Variants in NRG3 observed in about 807,000 individuals in gnomAD.
NRG3 encodes neuregulin 3, also known as pro-neuregulin-3, membrane-bound isoform.
NRG3 carries 31 observed loss-of-function variants against 66.9 expected under a neutral mutation model. The ratio of observed to expected loss-of-function variants is 0.46; its 90% CI spans 0.35 to 0.63. The LOEUF (loss-of-function observed/expected upper bound fraction) is 0.63. Among genes scored for constraint, NRG3 ranks in the 20% least tolerant of loss-of-function variants. NRG3 has a pLI of 0.00. For missense variants in NRG3, 910 were observed against 878.9 expected, an observed-to-expected ratio of 1.04 and a Z score of -0.45; for synonymous variants, 393 against 359.4, an observed-to-expected ratio of 1.09 and a Z score of -1.06.
At chr10:82,600,053 T>A (rs1409550304) in intron 2 of NRG3, among the ~76,000 whole-genome samples, 1 of 152,156 alleles carries the variant, frequency 6.6e-6, no homozygotes. Context: ...ATTACCATAT[T>A]TCTGTTTACA....
At chr10:82,612,671 T>C (rs1236159339) in intron 2 of NRG3, among the ~76,000 whole-genome samples, 1 of 152,224 alleles carries the variant, frequency 6.6e-6, no homozygotes, top group Non-Finnish European at 1.5e-5. Context: ...ATATTGATTT[T>C]ATTTTTGAAG....
At chr10:82,319,196 G>C (rs946061952) in intron 1 of NRG3, among the ~76,000 whole-genome samples, 2 of 152,198 alleles carry the variant, frequency 1.3e-5, no homozygotes, top group Non-Finnish European at 2.9e-5. Context: ...CACAGAGCTG[G>C]CCCTGCAGAG....
chr10:82,010,600 C>T (rs1391539620), intron 1 of NRG3, among the ~76,000 whole-genome samples: 3 of 152,276 alleles, frequency 2.0e-5, no homozygotes, highest in South Asian at 2.1e-4. Flanking sequence ...AAAAAGTTTT[C>T]CCATAAACAG....
At chr10:82,372,676 C>T (rs12241808) in intron 2 of NRG3, among the ~76,000 whole-genome samples, 2,537 of 152,246 alleles carry the variant, frequency 0.017, 67 homozygotes, top group African/African-American at 0.056. Flanking sequence ...TCACTGCAAC[C>T]TCCACCTCCC....
chr10:82,485,251 A>G (rs1336648891), intron 2 of NRG3, among the ~76,000 whole-genome samples: 2 of 152,076 alleles, frequency 1.3e-5, no homozygotes, highest in Non-Finnish European at 1.5e-5. Flanking sequence ...CCCTGACTGA[A>G]TTCAAAGATG....
In NRG3 at chr10:82,906,926, T is replaced by C. The variant is rs1844787469; in HGVS notation, c.1054+41489T>C. Among the ~76,000 whole-genome samples the C allele has an allele frequency of 2.0e-5, 3 of 152,128 alleles. No individual in the cohort carries two copies. In the South Asian group the frequency reaches 6.2e-4, roughly 32 times the overall value. ...GATGGTGATTATACACATAAGGAAATAAAGAATGGCTGTATTAGGTCTTAA... is the reference window on the plus strand; with the variant it reads ...GATGGTGATTATACACATAAGGAAACAAAGAATGGCTGTATTAGGTCTTAA... On this transcript the variant is annotated intron_variant, in intron 4 of 8. Transcript: ENST00000372141.
At chr10:82,176,668 C>G (rs912200567) in intron 1 of NRG3, among the ~76,000 whole-genome samples, 3 of 152,028 alleles carry the variant, frequency 2.0e-5, no homozygotes, top group Non-Finnish European at 4.4e-5. Flanking sequence ...ACAGGAGAAG[C>G]TGATTTATTT....
At chr10:81,904,420 T>G (rs932640440) in intron 1 of NRG3, among the ~76,000 whole-genome samples, 1 of 152,092 alleles carries the variant, frequency 6.6e-6, no homozygotes, top group African/African-American at 2.4e-5. Context: ...TATAAATCTC[T>G]TGACTGTTCC....
At chr10:82,782,905 A>G (rs1222667160) in intron 3 of NRG3, among the ~76,000 whole-genome samples, 2 of 152,176 alleles carry the variant, frequency 1.3e-5, no homozygotes. Context: ...GACAAAACCA[A>G]AAAAGAGAAT....
At chr10:81,974,132 C>A (rs1186547526) in intron 1 of NRG3, among the ~76,000 whole-genome samples, 1 of 152,056 alleles carries the variant, frequency 6.6e-6, no homozygotes, top group Admixed American at 6.6e-5. Flanking sequence ...ATATGGCTAG[C>A]CAGTTATCCC....
At chr10:81,946,914 T>C (rs1232798313) in intron 1 of NRG3, among the ~76,000 whole-genome samples, 1 of 152,136 alleles carries the variant, frequency 6.6e-6, no homozygotes, top group East Asian at 1.9e-4. Flanking sequence ...TTCCAAAACC[T>C]AATCTGTAAC....
At chr10:82,938,237 G>A (rs977884374) in intron 4 of NRG3, among the ~76,000 whole-genome samples, 1 of 152,168 alleles carries the variant, frequency 6.6e-6, no homozygotes, top group Non-Finnish European at 1.5e-5. Flanking sequence ...TTCTAGACCT[G>A]AGGTTTTCAA....
intron 2 of NRG3, among the ~76,000 whole-genome samples, chr10:82,423,481 A>T (rs910769938): frequency 2.6e-5 from 4 of 151,908 alleles, no homozygotes; most frequent in Admixed American, 6.6e-5. Context: ...CAATCACTTG[A>T]TTCAGCTGAA....
intron 4 of NRG3, among the ~76,000 whole-genome samples, chr10:82,896,498 C>A (rs1843676170): frequency 6.6e-6 from 1 of 152,088 alleles, no homozygotes; most frequent in African/African-American, 2.4e-5. Flanking sequence ...TAGCTATTTT[C>A]CATGAAATAC....
chr10:82,925,058 G>T (rs544827995), intron 4 of NRG3, among the ~76,000 whole-genome samples: 1 of 152,280 alleles, frequency 6.6e-6, no homozygotes, highest in East Asian at 1.9e-4. Context: ...ACCCTGTACA[G>T]AAGACATAAG....
chr10:82,186,598 C>G (rs2073823997), intron 1 of NRG3, among the ~76,000 whole-genome samples: 1 of 152,184 alleles, frequency 6.6e-6, no homozygotes, highest in Non-Finnish European at 1.5e-5. Context: ...TAAATCCCAA[C>G]CCCTCATTGT....
At chr10:82,861,624 T>C (rs1027355251) in intron 3 of NRG3, among the ~76,000 whole-genome samples, 1 of 152,190 alleles carries the variant, frequency 6.6e-6, no homozygotes, top group Non-Finnish European at 1.5e-5. Flanking sequence ...AGGCAGAGCA[T>C]TGAAGTTCAT....
At chr10:82,202,861 A>G (rs2074917682) in intron 1 of NRG3, among the ~76,000 whole-genome samples, 1 of 152,212 alleles carries the variant, frequency 6.6e-6, no homozygotes, top group African/African-American at 2.4e-5. Context: ...TGTGTCATAA[A>G]AATTACTGAA....
chr10:81,919,329 C>T (rs764707854), intron 1 of NRG3, among the ~76,000 whole-genome samples: 5 of 152,134 alleles, frequency 3.3e-5, no homozygotes, highest in South Asian at 2.1e-4. Context: ...CAAAACCGAG[C>T]GTCGACACTT....
Sources: gnomAD v4.1 joint callset for allele counts (sites outside exome capture counted in the v4.1 genomes callset) on GRCh38, gnomAD v4.1.1 for gene constraint, MANE v1.5 for transcripts, NCBI Gene and HGNC (gene_info 2026-07-23, HGNC 2026-07-21) for gene names.